Variants in KLF15 observed in about 807,000 individuals in gnomAD.
KLF15 encodes the protein Krueppel-like factor 15.
In KLF15, 4 loss-of-function variants were observed where a neutral mutation model predicts 24.6. That is an observed-to-expected ratio of 0.16 (90% CI 0.08 to 0.37). KLF15 has a LOEUF of 0.37. Ranked by LOEUF, KLF15 falls within the 10% of genes least tolerant of loss-of-function variation. The pLI, the probability that KLF15 is intolerant of heterozygous loss-of-function variation, is 1.00. For synonymous variants in KLF15, 246 were observed against 236.3 expected, an observed-to-expected ratio of 1.04 and a Z score of -0.37; for missense variants, 496 against 560.6, an observed-to-expected ratio of 0.88 and a Z score of 1.16.
At chr3:126,317,332 G>A in the KLF15 span, among the ~76,000 whole-genome samples, 209 of 152,302 alleles carry the variant, frequency 1.4e-3, 1 homozygote, top group African/African-American at 4.9e-3. Context: ...TGATGATCAG[G>A]TGGTTGTTAC....
At chr3:126,331,683 T>C in the KLF15 span, among the ~76,000 whole-genome samples, 1 of 152,174 alleles carries the variant, frequency 6.6e-6, no homozygotes, top group Non-Finnish European at 1.5e-5. Flanking sequence ...AGACGGGTGA[T>C]TTCTGCATTT....
the KLF15 span, among the ~76,000 whole-genome samples, chr3:126,323,417 A>AACATATATGT: frequency 2.6e-5 from 1 of 38,242 alleles, no homozygotes; most frequent in Non-Finnish European, 4.7e-5. Flanking sequence ...ATATATATAT[A>AACATATATGT]TATATATATA....
At chr3:126,317,915 G>A in the KLF15 span, among the ~76,000 whole-genome samples, 152 of 152,292 alleles carry the variant, frequency 1.0e-3, no homozygotes, top group Middle Eastern at 3.4e-3. Flanking sequence ...CTGCAAACCC[G>A]TACAGATTTG....
chr3:126,350,131 A>T (rs2082571180), intron 2 of KLF15, among the ~76,000 whole-genome samples: 1 of 152,188 alleles, frequency 6.6e-6, no homozygotes, highest in Non-Finnish European at 1.5e-5. Context: ...CAGCCCCCAC[A>T]TACCTGTGCC....
chr3:126,330,522 C>G, the KLF15 span, among the ~76,000 whole-genome samples: 1 of 148,230 alleles, frequency 6.7e-6, no homozygotes, highest in Admixed American at 6.9e-5. Flanking sequence ...CCTTCCTTTC[C>G]TATCCTTTCA....
rs942098545 is a variant in KLF15, at chr3:126,343,758, C to T, written c.1220G>A (p.Arg407Gln). The stretch of plus-strand genomic sequence containing the variant: ...CACGGAGCGCACGGAGCGGCTGCTC[C>T]GCGGGAAGCGGTGCACCTTGATGTG... ...SKHIKVHRFP[R>Q]SSRSVRSVN is the part of the protein sequence containing the mutation. Residue 407 changes from arginine (R) to glutamine (Q), a missense_variant, in exon 3 of 3, where the codon CGG (arginine) becomes CAG (glutamine). This residue lies in a region of KLF15 where 38 missense variants were observed against 31.5 expected (regional missense o/e 1.21). Transcript: ENST00000296233. 2 of 1,611,706 alleles carry T rather than the reference C, an allele frequency of 1.2e-6. No individual in the cohort carries two copies. The highest frequency in any genetic ancestry group is 1.3e-5 in the African/African-American group (1 of 74,980).
At chr3:126,289,810 A>G in the KLF15 span, among the ~76,000 whole-genome samples, 2 of 152,230 alleles carry the variant, frequency 1.3e-5, no homozygotes, top group African/African-American at 2.4e-5. Flanking sequence ...CGATCAACTT[A>G]GAAGTTTACT....
the KLF15 span, among the ~76,000 whole-genome samples, chr3:126,311,006 G>A: frequency 6.6e-6 from 1 of 152,158 alleles, no homozygotes; most frequent in Non-Finnish European, 1.5e-5. Context: ...GTTTCTGCCA[G>A]GCACATCCAT....
In KLF15 at chr3:126,343,741, G is replaced by A. The variant is rs1397851303; in HGVS notation, c.1237C>T (p.Arg413Cys). 1.2e-6 allele frequency: 2 copies of A among 1,611,470 alleles called. No homozygotes were observed. The highest frequency in any genetic ancestry group is 1.3e-5 in the African/African-American group (1 of 74,900). Residue 413 changes from arginine to cysteine, a missense_variant, in exon 3 of 3, where the codon CGC becomes TGC. Transcript: ENST00000296233. ...HRFPRSSRSV[R>C]SVN ...TCAGGGCGCTTTCAGTTCACGGAGC[G>A]CACGGAGCGGCTGCTCCGCGGGAAG...
chr3:126,323,660 C>T, the KLF15 span, among the ~76,000 whole-genome samples: 3 of 139,312 alleles, frequency 2.2e-5, no homozygotes, highest in Non-Finnish European at 3.1e-5. Context: ...CCCCTGGCCC[C>T]CCACCCCCCA....
rs2082636266 is a variant in KLF15, at chr3:126,356,820, G to T, written c.-26+417C>A. On this transcript the variant is annotated intron_variant, in intron 1 of 2. Transcript: ENST00000296233. This position sits in a 1 kb window ranked among gnomAD's most constrained non-coding sequence, Gnocchi z 4.4. ...ACGCCCCCCCCTTGCCCCCGACACT[G>T]CTGCGGTGACCGACAGTAACCCCTC... 6.7e-6 allele frequency among the ~76,000 whole-genome samples: 1 copy of T among 149,876 alleles called. No individual in the cohort carries two copies. Among genetic ancestry groups the T allele is most frequent in the African/African-American group, 2.5e-5 (1 of 40,534 alleles).
the KLF15 span, among the ~76,000 whole-genome samples, chr3:126,322,508 C>A: frequency 6.6e-6 from 1 of 152,196 alleles, no homozygotes; most frequent in African/African-American, 2.4e-5. Flanking sequence ...TGTGATTACG[C>A]TGGATCCACC....
chr3:126,299,204 A>ATT, the KLF15 span, among the ~76,000 whole-genome samples: 1 of 146,566 alleles, frequency 6.8e-6, no homozygotes, highest in Non-Finnish European at 1.5e-5. Flanking sequence ...GTATATTCCT[A>ATT]AGTATGTATG....
At chr3:126,304,362 C>G in the KLF15 span, among the ~76,000 whole-genome samples, 2 of 152,158 alleles carry the variant, frequency 1.3e-5, no homozygotes, top group Non-Finnish European at 2.9e-5. Flanking sequence ...AAGAGGTTTC[C>G]TAGACTGGCT....
At chr3:126,298,420 G>GATT in the KLF15 span, among the ~76,000 whole-genome samples, 2,261 of 146,256 alleles carry the variant, frequency 0.015, 34 homozygotes, top group African/African-American at 0.042. Flanking sequence ...TTACTCTGCT[G>GATT]ATTATTATTA....
intron 2 of KLF15, among the ~76,000 whole-genome samples, chr3:126,345,600 C>T (rs1381211178): frequency 6.6e-6 from 1 of 151,838 alleles, no homozygotes; most frequent in Admixed American, 6.6e-5. Flanking sequence ...CATGTACTCA[C>T]GCACACACAC....
rs1361088554 is a variant in KLF15, at chr3:126,343,622, T to C, written c.*105A>G. ...TCCCAGGCTTCAGAAGGTGGGCTGG[T>C]AACATTGCCATGTCCCTCTGGAGGA... is the stretch of plus-strand genomic sequence containing the variant. On this transcript the variant is annotated 3_prime_UTR_variant, in exon 3 of 3. Transcript: ENST00000296233. 2.6e-6 allele frequency: 3 copies of C among 1,165,932 alleles called. No homozygotes were observed. The highest frequency in any genetic ancestry group is 4.9e-5 in the Admixed American group (2 of 41,114). 72.2% of individuals were successfully genotyped at this position (1,165,932 alleles called of 1,614,324 possible).
At chr3:126,293,632 G>A in the KLF15 span, among the ~76,000 whole-genome samples, 2 of 152,156 alleles carry the variant, frequency 1.3e-5, no homozygotes. Flanking sequence ...TTCCATGCCT[G>A]TCCAGAAGAC....
At chr3:126,318,005 C>G in the KLF15 span, among the ~76,000 whole-genome samples, 1 of 152,150 alleles carries the variant, frequency 6.6e-6, no homozygotes, top group Non-Finnish European at 1.5e-5. Flanking sequence ...GTTTTCTGAG[C>G]TCCTGATTCC....
Sources: gnomAD v4.1 joint callset for allele counts (sites outside exome capture counted in the v4.1 genomes callset) on GRCh38, gnomAD v4.1.1 for gene constraint, gnomAD v4.1.1 regional missense constraint, Gnocchi (gnomAD v3.1) non-coding constraint, MANE v1.5 for transcripts, NCBI Gene and HGNC (gene_info 2026-07-23, HGNC 2026-07-21) for gene names.